The following GATAD2B variants were observed in gnomAD, a reference collection of about 807,000 sequenced individuals.
GATAD2B encodes the protein transcriptional repressor p66-beta.
A neutral mutation model predicts 64.3 loss-of-function variants in GATAD2B; 8 were observed. The observed-to-expected ratio is 0.12, with a 90% CI of 0.07 to 0.22. GATAD2B has a LOEUF of 0.22. Ranked by LOEUF, GATAD2B falls within the 10% of genes least tolerant of loss-of-function variation. The pLI is 1.00. For synonymous variants in GATAD2B, 281 were observed against 271.3 expected (o/e 1.04, Z -0.35); for missense variants, 453 against 752.0 (o/e 0.60, Z 4.65).
chr1:153,847,891 A>G (rs1366385905), intron 1 of GATAD2B, among the ~76,000 whole-genome samples: 2 of 152,226 alleles, frequency 1.3e-5, no homozygotes, highest in African/African-American at 4.8e-5. Flanking sequence ...AACTTATATA[A>G]CGAGTTAATT....
rs1258596520 is a variant in GATAD2B at position 153,806,624 on chromosome 1, T to C, written c.*3553A>G. 6.6e-6 allele frequency: 1 copy of C among 152,226 alleles called. No homozygotes were observed. Among genetic ancestry groups the C allele is most frequent in the African/African-American group, 2.4e-5 (1 of 41,362 alleles). The allele number at this position is 152,226 out of a possible 1,614,324, so 9.4% of individuals were successfully genotyped here. On this transcript the variant is annotated 3_prime_UTR_variant, in exon 11 of 11. Coordinates refer to ENST00000368655, the MANE Select transcript of GATAD2B (RefSeq NM_020699.4). Reference sequence around the variant, plus strand: ...TTTCTCTTTTTCAGGTTTTTTTTTTTTTCTACACAATGTACAATTCCTTTT... The same window carrying C: ...TTTCTCTTTTTCAGGTTTTTTTTTTCTTCTACACAATGTACAATTCCTTTT...
intron 1 of GATAD2B, among the ~76,000 whole-genome samples, chr1:153,884,731 A>G (rs1290950545): frequency 1.3e-5 from 2 of 152,186 alleles, no homozygotes; most frequent in Non-Finnish European, 2.9e-5. Flanking sequence ...CCAAGCCAGG[A>G]AGGTAGGATC....
chr1:153,832,683 T>A (rs916890200), intron 1 of GATAD2B, among the ~76,000 whole-genome samples: 4 of 152,232 alleles, frequency 2.6e-5, no homozygotes, highest in Non-Finnish European at 4.4e-5. Context: ...AAGGGATACA[T>A]GTGTAGATTT....
chr1:153,806,601 T>TC lies in GATAD2B; in HGVS notation c.*3575dup, dbSNP rs2101869705. On this transcript the variant is annotated 3_prime_UTR_variant, in exon 11 of 11. Coordinates refer to ENST00000368655, the MANE Select transcript of GATAD2B (RefSeq NM_020699.4). ...AATATCCATGGCTAGGGCTTTTTTT[T>TC]CTCTTTTTCAGGTTTTTTTTTTTTT... is the stretch of plus-strand genomic sequence containing the variant. 7.1e-6 allele frequency: 1 copy of TC among 139,888 alleles called. No individual in the cohort carries two copies. The highest frequency in any genetic ancestry group is 1.6e-5 in the Non-Finnish European group (1 of 63,414). The allele number at this position is 139,888 out of a possible 1,614,324, so 8.7% of individuals were successfully genotyped here. A position where few individuals can be genotyped will look rare whatever the true frequency, so the allele number is the denominator to read the frequency against.
chr1:153,877,373 G>A (rs984385979), intron 1 of GATAD2B, among the ~76,000 whole-genome samples: 4 of 151,604 alleles, frequency 2.6e-5, no homozygotes, highest in East Asian at 3.9e-4. Context: ...AGGGACAGAC[G>A]TGGCCAAAGG....
chr1:153,894,724 T>C (rs991389351), intron 1 of GATAD2B, among the ~76,000 whole-genome samples: 8 of 152,066 alleles, frequency 5.3e-5, no homozygotes, highest in Non-Finnish European at 8.8e-5. Flanking sequence ...TAGCCAGGCA[T>C]GGTGGCACGC....
intron 1 of GATAD2B, among the ~76,000 whole-genome samples, chr1:153,857,947 C>A (rs1676150364): frequency 6.6e-6 from 1 of 152,118 alleles, no homozygotes; most frequent in African/African-American, 2.4e-5. Flanking sequence ...AAGCACCTAC[C>A]TAGTATTGTA....
At chr1:153,907,554 G>A (rs1677987081) in intron 1 of GATAD2B, among the ~76,000 whole-genome samples, 1 of 152,044 alleles carries the variant, frequency 6.6e-6, no homozygotes, top group South Asian at 2.1e-4. Flanking sequence ...GGAAGATGAA[G>A]AAGTTCTGGA....
chr1:153,888,734 C>T (rs991468200), intron 1 of GATAD2B, among the ~76,000 whole-genome samples: 2 of 152,144 alleles, frequency 1.3e-5, no homozygotes, highest in African/African-American at 4.8e-5. Flanking sequence ...TACTTTTTGG[C>T]CTGGCTTTTT....
intron 1 of GATAD2B, among the ~76,000 whole-genome samples, chr1:153,907,018 G>A (rs747916758): frequency 3.3e-5 from 5 of 152,192 alleles, no homozygotes; most frequent in Non-Finnish European, 5.9e-5. Flanking sequence ...TGGCAGGGAC[G>A]TGGAGGGACT....
chr1:153,900,526 A>AT (rs1677736239), intron 1 of GATAD2B, among the ~76,000 whole-genome samples: 1 of 151,244 alleles, frequency 6.6e-6, no homozygotes, highest in South Asian at 2.1e-4. Flanking sequence ...CTTTTTCTTT[A>AT]TTTTTTTGAG....
At chr1:153,897,259 G>T (rs1379970144) in intron 1 of GATAD2B, among the ~76,000 whole-genome samples, 2 of 151,976 alleles carry the variant, frequency 1.3e-5, no homozygotes, top group East Asian at 3.9e-4. Context: ...TCGATCTCCT[G>T]ACCTCGTGAT....
chr1:153,850,027 T>C (rs960665639), intron 1 of GATAD2B, among the ~76,000 whole-genome samples: 1 of 152,160 alleles, frequency 6.6e-6, no homozygotes, highest in African/African-American at 2.4e-5. Context: ...CTCTTATTCA[T>C]GGTAAATGAG....
chr1:153,897,086 T>C (rs1426102854), intron 1 of GATAD2B, among the ~76,000 whole-genome samples: 1 of 150,574 alleles, frequency 6.6e-6, no homozygotes, highest in Non-Finnish European at 1.5e-5. Context: ...TGGAGTGCAG[T>C]GGCACGATCT....
chr1:153,907,954 G>A (rs536703061), intron 1 of GATAD2B, among the ~76,000 whole-genome samples: 10 of 152,170 alleles, frequency 6.6e-5, no homozygotes, highest in Admixed American at 2.6e-4. Context: ...ACAGGCATGC[G>A]CCACCACGTT....
rs773495976 is a variant in GATAD2B at position 153,819,801 on chromosome 1, A to T, written c.336-66T>A. ...GTTAAGAAAACTTCTATGCTGAATTAAAAAAATCCAAGGGGGGCCGGGTGC... is the reference window on the plus strand; with the variant it reads ...GTTAAGAAAACTTCTATGCTGAATTTAAAAAATCCAAGGGGGGCCGGGTGC... On this transcript the variant is annotated intron_variant, in intron 2 of 10. Transcript: ENST00000368655. 9 of 1,453,016 alleles carry T rather than the reference A, an allele frequency of 6.2e-6. No homozygotes were observed. In the African/African-American group the frequency reaches 7.2e-5, roughly 12 times the overall value. 90.0% of individuals were successfully genotyped at this position (1,453,016 alleles called of 1,614,324 possible).
chr1:153,879,919 C>CT (rs1676958267), intron 1 of GATAD2B, among the ~76,000 whole-genome samples: 1 of 152,276 alleles, frequency 6.6e-6, no homozygotes, highest in East Asian at 1.9e-4. Context: ...AGAACAATCT[C>CT]TAATTTTTCC....
chr1:153,848,221 G>A (rs1332904758), intron 1 of GATAD2B, among the ~76,000 whole-genome samples: 1 of 152,130 alleles, frequency 6.6e-6, no homozygotes, highest in Non-Finnish European at 1.5e-5. Context: ...AATTCCTCAA[G>A]AGTTACCTAT....
chr1:153,865,241 C>T (rs1054851135), intron 1 of GATAD2B, among the ~76,000 whole-genome samples: 10 of 152,252 alleles, frequency 6.6e-5, no homozygotes, highest in South Asian at 6.2e-4. Context: ...GGGTGGATCA[C>T]CTGAAGTCAG....
Sources: allele counts gnomAD v4.1 joint callset (sites outside exome capture counted in the v4.1 genomes callset), GRCh38; gene constraint gnomAD v4.1.1; transcripts MANE v1.5; gene names NCBI Gene and HGNC (gene_info 2026-07-23, HGNC 2026-07-21).